Variants in FBRSL1 observed in about 807,000 individuals in gnomAD.
The protein encoded by FBRSL1 is fibrosin like 1.
FBRSL1 carries 51 observed loss-of-function variants against 89.6 expected under a neutral mutation model. The ratio of observed to expected loss-of-function variants is 0.57; its 90% confidence interval spans 0.45 to 0.72. The LOEUF (loss-of-function observed/expected upper bound fraction) is 0.72, where lower values mean the gene tolerates loss of function less well. Among genes scored for constraint, FBRSL1 ranks in the 30% least tolerant of loss-of-function variants. FBRSL1 has a pLI of 0.00. For synonymous variants in FBRSL1, 779 were observed against 681.1 expected, an observed-to-expected ratio of 1.14 and a Z score of -2.24; for missense variants, 1,618 against 1,451.8, an observed-to-expected ratio of 1.11 and a Z score of -1.86.
chr12:132,569,406 C>G (rs1188785289), intron 6 of FBRSL1, among the ~76,000 whole-genome samples: 1 of 152,104 alleles, frequency 6.6e-6, no homozygotes, highest in African/African-American at 2.4e-5. Context: ...CCAGGGGGTT[C>G]CAGAAAGAAA....
In FBRSL1 at chr12:132,583,637, G is replaced by A; in HGVS notation, c.2868G>A (p.Pro956=). The change falls in exon 19 of 19, where the codon CCG becomes CCA. Residue 956 remains proline (P), a synonymous_variant. Coordinates refer to ENST00000680143, the MANE Select transcript of FBRSL1 (RefSeq NM_001367871.1). The part of the protein sequence containing the change: ...TPPAAAALGA[P]PPLVTAAGPP... ...CCGCCGCCGCCGCCCTCGGCGCACC[G>A]CCCCCCCTGGTGACGGCGGCCGGGC... 1.0e-6 allele frequency: 1 copy of A among 1,003,964 alleles called. No individual in the cohort carries two copies. Among genetic ancestry groups the A allele is most frequent in the Non-Finnish European group, 1.2e-6 (1 of 842,030 alleles). 62.2% of individuals were successfully genotyped at this position (1,003,964 alleles called of 1,614,324 possible). A position where few individuals can be genotyped will look rare whatever the true frequency, so the allele number is the denominator to read the frequency against.
intron 5 of FBRSL1, chr12:132,559,977 CCCG>C (rs2038972351): frequency 6.8e-6 from 1 of 147,626 alleles, no homozygotes; most frequent in Non-Finnish European, 1.5e-5. Context: ...CAGCTCCGCG[CCCG>C]CCGCCTCGGG....
At position 132,525,745 on chromosome 12, in the gene FBRSL1, C is replaced by T. The variant is rs759334743; in HGVS notation, c.501C>T (p.Thr167=). The T allele has an allele frequency of 5.4e-5, 83 of 1,549,418 alleles. No individual in the cohort carries two copies. The highest frequency in any genetic ancestry group is 6.5e-5 in the Non-Finnish European group (74 of 1,145,926). ...TCTCTCTGTCCCAGATGAAGGTCAC[C>T]GTGTCCAAAGGGGGCGACCGGGACA... is the stretch of plus-strand genomic sequence containing the variant. ...PLQPSKQMKV[T]VSKGGDRDSD... is the part of the protein sequence containing the mutation. Residue 167 remains threonine (T), a synonymous_variant, in exon 3 of 19, where the codon ACC becomes ACT. Transcript: ENST00000680143.
intron 1 of FBRSL1, among the ~76,000 whole-genome samples, chr12:132,503,429 C>T (rs985943896): frequency 2.2e-4 from 33 of 152,364 alleles, no homozygotes; most frequent in Admixed American, 3.3e-4. Flanking sequence ...CAGAAAAAAC[C>T]GGCCAAGGCG....
At chr12:132,555,673 T>C (rs2038577171) in intron 5 of FBRSL1, among the ~76,000 whole-genome samples, 1 of 152,226 alleles carries the variant, frequency 6.6e-6, no homozygotes, top group Non-Finnish European at 1.5e-5. Context: ...TCCTGCTGAC[T>C]CCGGCATCCC....
intron 5 of FBRSL1, chr12:132,553,352 C>A (rs1446438578): frequency 9.2e-5 from 14 of 152,256 alleles, no homozygotes; most frequent in Admixed American, 9.2e-4. Flanking sequence ...CCCAGAAGGG[C>A]CTTGAGAGGG....
intron 1 of FBRSL1, among the ~76,000 whole-genome samples, chr12:132,491,878 C>T (rs913518430): frequency 6.6e-6 from 1 of 152,234 alleles, no homozygotes; most frequent in Non-Finnish European, 1.5e-5. Context: ...AGAGCTGGGG[C>T]TTCGTGTCCC....
At chr12:132,578,451 G>A (rs1458290459) in intron 15 of FBRSL1, among the ~76,000 whole-genome samples, 7 of 152,056 alleles carry the variant, frequency 4.6e-5, no homozygotes, top group Admixed American at 1.3e-4. Flanking sequence ...CACACGGAGT[G>A]GGCTGAGGAG....
intron 4 of FBRSL1, among the ~76,000 whole-genome samples, chr12:132,544,957 C>T (rs1043150448): frequency 6.6e-6 from 1 of 152,208 alleles, no homozygotes; most frequent in African/African-American, 2.4e-5. Flanking sequence ...CACATATTCA[C>T]TTATTTAAGC....
chr12:132,495,740 G>A (rs936731560), intron 1 of FBRSL1, among the ~76,000 whole-genome samples: 1 of 152,228 alleles, frequency 6.6e-6, no homozygotes, highest in Non-Finnish European at 1.5e-5. Context: ...CCGGGGAGGT[G>A]GACTCAGAGG....
intron 1 of FBRSL1, among the ~76,000 whole-genome samples, chr12:132,493,324 A>G (rs1472420990): frequency 1.3e-5 from 2 of 152,156 alleles, no homozygotes; most frequent in Non-Finnish European, 2.9e-5. Flanking sequence ...GGAGGATGGG[A>G]CGCTCAGGAG....
intron 9 of FBRSL1, 45 bp from the exon 10 acceptor site, chr12:132,572,243 G>A (rs187777168): frequency 4.4e-5 from 68 of 1,532,224 alleles, no homozygotes; most frequent in African/African-American, 4.3e-4. Flanking sequence ...GCCCAGCAAC[G>A]GTGTCGTGTG....
chr12:132,560,539 C>G (rs541381161), intron 5 of FBRSL1, among the ~76,000 whole-genome samples: 1 of 152,210 alleles, frequency 6.6e-6, no homozygotes, highest in African/African-American at 2.4e-5. Flanking sequence ...GAATCGGCCA[C>G]CCGGGTTCCC....
In FBRSL1 at chr12:132,525,761, G is replaced by T. The variant is rs775636928; in HGVS notation, c.517G>T (p.Asp173Tyr). 7.1e-6 allele frequency: 11 copies of T among 1,549,874 alleles called. No homozygotes were observed. In the South Asian group the frequency reaches 1.3e-4, roughly 18 times the overall value. Reference protein sequence around the residue: ...QMKVTVSKGGDRDSDDDSVLE... With the variant: ...QMKVTVSKGGYRDSDDDSVLE... ...GAAGGTCACCGTGTCCAAAGGGGGC[G>T]ACCGGGACAGTGACGACGACAGCGT... Residue 173 changes from aspartate (D) to tyrosine (Y), a missense_variant, in exon 3 of 19, where the codon GAC becomes TAC. Physicochemically the swap from Asp to Tyr is radical, Grantham distance 160. Transcript: ENST00000680143.
intron 4 of FBRSL1, among the ~76,000 whole-genome samples, chr12:132,544,158 G>GC (rs1566174574): frequency 6.6e-6 from 1 of 152,188 alleles, no homozygotes; most frequent in Non-Finnish European, 1.5e-5. Context: ...TGGTCTAGGG[G>GC]CCCCGAGCCT....
chr12:132,548,254 G>C (rs2037864519), intron 5 of FBRSL1, among the ~76,000 whole-genome samples: 1 of 152,172 alleles, frequency 6.6e-6, no homozygotes, highest in Non-Finnish European at 1.5e-5. Context: ...TACCGTGTCT[G>C]GAGGGACACA....
chr12:132,509,500 C>T, intron 2 of FBRSL1: 1 of 1,237,570 alleles, frequency 8.1e-7, no homozygotes, highest in Non-Finnish European at 1.0e-6. Context: ...CCGGCCCAGC[C>T]CTGCCGGCCG....
At position 132,570,045 on chromosome 12, in the gene FBRSL1, G is replaced by A; in HGVS notation, c.811G>A (p.Ala271Thr). Residue 271 changes from alanine (A) to threonine (T), a missense_variant, in exon 7 of 19, where the codon GCC becomes ACC. Ala to Thr is a moderately conservative substitution (Grantham distance 58). Transcript: ENST00000680143. ...GCCCACTGCCAGCCCCGCGCCCCAT[G>A]CCGCGCCCTGCCCGGGGCCCCCGCC... ...FLPTASPAPHAAPCPGPPPGS... is the reference protein window; with the variant it reads ...FLPTASPAPHTAPCPGPPPGS... The A allele has an allele frequency of 1.3e-6, 2 of 1,505,532 alleles. No individual in the cohort carries two copies. Among genetic ancestry groups the A allele is most frequent in the Non-Finnish European group, 1.8e-6 (2 of 1,133,924 alleles). The allele number at this position is 1,505,532 out of a possible 1,614,324, so 93.3% of individuals were successfully genotyped here. A position where few individuals can be genotyped will look rare whatever the true frequency, so the allele number is the denominator to read the frequency against.
At chr12:132,553,998 G>C (rs1178054517) in intron 5 of FBRSL1, 1 of 152,290 alleles carries the variant, frequency 6.6e-6, no homozygotes, top group East Asian at 1.9e-4. Context: ...AGGGCTCCAA[G>C]AACAGAGCCT....
Sources: allele counts gnomAD v4.1 joint callset (sites outside exome capture counted in the v4.1 genomes callset), GRCh38; gene constraint gnomAD v4.1.1; transcripts MANE v1.5; gene names NCBI Gene and HGNC (gene_info 2026-07-23, HGNC 2026-07-21).